Variants in NCR1 observed in about 807,000 individuals in gnomAD.
NCR1 encodes the protein natural cytotoxicity triggering receptor 1.
Under a neutral mutation model 32.5 loss-of-function variants are expected in NCR1, and 30 were observed. The observed-to-expected ratio is 0.92, with a 90% CI of 0.69 to 1.25. The LOEUF (loss-of-function observed/expected upper bound fraction) is 1.25, where lower values mean the gene tolerates loss of function less well. NCR1 is among the 50% of genes most tolerant of loss of function. NCR1 has a pLI of 0.00. For synonymous variants in NCR1, 169 were observed against 143.4 expected (o/e 1.18, Z -1.28); for missense variants, 369 against 380.7 (o/e 0.97, Z 0.26).
chr19:54,919,713 G>GCCCCCC (rs1391605688), downstream of NCR1, among the ~76,000 whole-genome samples: 1 of 107,738 alleles, frequency 9.3e-6, no homozygotes, highest in African/African-American at 4.1e-5. Flanking sequence ...GGGAAAGGGA[G>GCCCCCC]ACCCCCCCCC....
the NCR1 span, among the ~76,000 whole-genome samples, chr19:54,925,959 C>T: frequency 7.9e-5 from 12 of 151,424 alleles, no homozygotes; most frequent in African/African-American, 2.7e-4. Flanking sequence ...GAGATCGCAC[C>T]GCTTCACTCC....
intron 3 of NCR1, among the ~76,000 whole-genome samples, chr19:54,907,715 T>C (rs1490892371): frequency 6.6e-6 from 1 of 152,020 alleles, no homozygotes; most frequent in Non-Finnish European, 1.5e-5. Context: ...TGTGGTACAT[T>C]GTTGGCCAAA....
At chr19:54,906,394 C>T (rs997090227) in intron 2 of NCR1, 60 bp downstream of exon 2, 82 of 1,607,040 alleles carry the variant, frequency 5.1e-5, no homozygotes, top group Non-Finnish European at 6.5e-5. Context: ...GCTCCTTCCA[C>T]CCAAGCACGG....
chr19:54,936,269 C>T, the NCR1 span: 1 of 1,613,150 alleles, frequency 6.2e-7, no homozygotes, highest in East Asian at 2.2e-5. Flanking sequence ...ACCTCAGGTA[C>T]TGCAGGTTGC....
At position 54,906,547 on chromosome 19, in the gene NCR1, G is replaced by C. The variant is rs1460489240; in HGVS notation, c.95G>C (p.Trp32Ser). 1.6e-5 allele frequency: 25 copies of C among 1,610,392 alleles called. No homozygotes were observed. Among genetic ancestry groups the C allele is most frequent in the Non-Finnish European group, 2.1e-5 (25 of 1,180,002 alleles). ...QQQTLPKPFIWAEPHFMVPKE... is the reference protein window; with the variant it reads ...QQQTLPKPFISAEPHFMVPKE... ...GAGACTCTCCCAAAACCGTTCATCT[G>C]GGCCGAGCCCCATTTCATGGTTCCA... The change falls in exon 3 of 7, where the codon TGG becomes TCG. Residue 32 changes from tryptophan to serine, a missense_variant. By Grantham distance (177) the Trp-to-Ser change is radical (BLOSUM62 -3). Transcript: ENST00000291890.
At chr19:54,899,403 C>G in the NCR1 span, among the ~76,000 whole-genome samples, 1 of 151,518 alleles carries the variant, frequency 6.6e-6, no homozygotes, top group Non-Finnish European at 1.5e-5. Flanking sequence ...CTGAAGGAGG[C>G]AAGCACAGAG....
At chr19:54,933,307 G>A in the NCR1 span, among the ~76,000 whole-genome samples, 1 of 152,030 alleles carries the variant, frequency 6.6e-6, no homozygotes, top group East Asian at 1.9e-4. Flanking sequence ...CACCACACCT[G>A]GCTAATTTTT....
the NCR1 span, among the ~76,000 whole-genome samples, chr19:54,923,087 C>G: frequency 6.6e-6 from 1 of 152,154 alleles, no homozygotes; most frequent in African/African-American, 2.4e-5. Flanking sequence ...TGACTGTAAG[C>G]TTGTGCTTTG....
the NCR1 span, chr19:54,927,805 A>G: frequency 3.7e-6 from 6 of 1,603,706 alleles, no homozygotes; most frequent in Non-Finnish European, 5.1e-6. Context: ...AAATCCACGC[A>G]TTCACTGAGC....
the NCR1 span, among the ~76,000 whole-genome samples, chr19:54,936,699 G>C: frequency 6.6e-6 from 1 of 152,062 alleles, no homozygotes; most frequent in Non-Finnish European, 1.5e-5. Flanking sequence ...CAGATCGCCT[G>C]AGGTCAGGAG....
intron 4 of NCR1, 84 bp from the exon 5 acceptor site, chr19:54,909,934 C>CAAAAAA (rs11345154): frequency 3.5e-4 from 214 of 611,132 alleles, no homozygotes; most frequent in Admixed American, 6.4e-4. Flanking sequence ...GACTCCATCT[C>CAAAAAA]AAAAAAAAAA....
the NCR1 span, chr19:54,923,922 C>T: frequency 6.3e-7 from 1 of 1,590,360 alleles, no homozygotes; most frequent in South Asian, 1.1e-5. Flanking sequence ...TTCTCAACTA[C>T]CCAGGATGCC....
At chr19:54,910,156 G>A (rs1169855919) in intron 5 of NCR1, 91 bp downstream of exon 5, 1 of 1,319,640 alleles carries the variant, frequency 7.6e-7, no homozygotes, top group Non-Finnish European at 1.1e-6. Flanking sequence ...ATTCATCGAG[G>A]CCAGGCGTGG....
chr19:54,921,974 G>A, the NCR1 span, among the ~76,000 whole-genome samples: 61,249 of 150,470 alleles, frequency 0.41, 12,662 homozygotes, highest in East Asian at 0.5. Context: ...TCAGCTCACC[G>A]CAAACTCCGC....
upstream of NCR1, chr19:54,906,018 C>T: frequency 1.3e-6 from 1 of 772,776 alleles, no homozygotes; most frequent in African/African-American, 1.7e-5. Flanking sequence ...TTTCTGTAAG[C>T]TCATGGTCAG....
At chr19:54,926,590 A>C in the NCR1 span, among the ~76,000 whole-genome samples, 1 of 151,778 alleles carries the variant, frequency 6.6e-6, no homozygotes, top group Non-Finnish European at 1.5e-5. Context: ...GACCAACCTG[A>C]CCAACATGGT....
chr19:54,932,894 C>A, the NCR1 span, among the ~76,000 whole-genome samples: 1 of 151,888 alleles, frequency 6.6e-6, no homozygotes, highest in Non-Finnish European at 1.5e-5. Flanking sequence ...AGGTGATCTG[C>A]CCACCATTCA....
At chr19:54,900,491 C>A in the NCR1 span, among the ~76,000 whole-genome samples, 1 of 152,040 alleles carries the variant, frequency 6.6e-6, no homozygotes, top group Non-Finnish European at 1.5e-5. Flanking sequence ...ATTTTCATTT[C>A]TTTCGTGGTG....
At chr19:54,907,918 T>G (rs946078202) in intron 3 of NCR1, among the ~76,000 whole-genome samples, 2 of 152,222 alleles carry the variant, frequency 1.3e-5, no homozygotes, top group Admixed American at 6.5e-5. Context: ...GCCTTTTCAT[T>G]TGCTCAGGGT....
Sources: gnomAD v4.1 joint callset for allele counts (sites outside exome capture counted in the v4.1 genomes callset) on GRCh38, gnomAD v4.1.1 for gene constraint, MANE v1.5 for transcripts, NCBI Gene and HGNC (gene_info 2026-07-23, HGNC 2026-07-21) for gene names.